The following CTNNA2 variants were observed in gnomAD, a reference collection of about 807,000 sequenced individuals.
The protein encoded by CTNNA2 is catenin alpha-2.
Under a neutral mutation model 101.0 loss-of-function variants are expected in CTNNA2, and 42 were observed. The observed-to-expected ratio is 0.42, with a 90% CI of 0.32 to 0.54. The LOEUF (loss-of-function observed/expected upper bound fraction) is 0.54, where lower values mean the gene tolerates loss of function less well. Among genes scored for constraint, CTNNA2 ranks in the 20% least tolerant of loss-of-function variants. CTNNA2 has a pLI of 0.14. For missense variants in CTNNA2, 871 were observed against 1,223.1 expected, an observed-to-expected ratio of 0.71 and a Z score of 4.29; for synonymous variants, 450 against 456.4, an observed-to-expected ratio of 0.99 and a Z score of 0.18.
At chr2:80,387,620 A>C (rs1677137888) in intron 7 of CTNNA2, among the ~76,000 whole-genome samples, 1 of 152,188 alleles carries the variant, frequency 6.6e-6, no homozygotes, top group African/African-American at 2.4e-5. Flanking sequence ...TTAATGGCTT[A>C]ATCCTTCTAT....
At chr2:80,479,901 G>A (rs552349869) in intron 9 of CTNNA2, among the ~76,000 whole-genome samples, 1 of 152,182 alleles carries the variant, frequency 6.6e-6, no homozygotes, top group South Asian at 2.1e-4. Context: ...TCATTCTTTT[G>A]TCAACTTTGG....
Position 80,419,442 on chromosome 2 carries a change from ACT to A in CTNNA2, c.1138-6_1138-5del. 6.3e-7 allele frequency: 1 copy of A among 1,596,648 alleles called. No individual in the cohort carries two copies. The highest frequency in any genetic ancestry group is 1.1e-5 in the South Asian group (1 of 88,460). On this transcript the variant is annotated splice_polypyrimidine_tract_variant and splice_region_variant and intron_variant, in intron 8 of 18. Coordinates refer to ENST00000402739, the MANE Select transcript of CTNNA2 (RefSeq NM_001282597.3). ...TATGTCATTTTTTGTTTTTGTTTCA[ACT>A]GTAGCTTCGGAAAGCAGTGATGGAT... is the stretch of plus-strand genomic sequence containing the variant.
chr2:80,411,363 T>C (rs1485804397), intron 8 of CTNNA2, among the ~76,000 whole-genome samples: 1 of 151,850 alleles, frequency 6.6e-6, no homozygotes, highest in Non-Finnish European at 1.5e-5. Context: ...ACTCCCAGAG[T>C]AGGGATTCAT....
chr2:80,647,895 G>A lies in CTNNA2; in HGVS notation c.*23G>A, dbSNP rs940613037. ...TAGGACGATAGGTTTTAACAAGAAA[G>A]CTTTTTCTTTCTTTTCTTTCTTTCT... On this transcript the variant is annotated 3_prime_UTR_variant, in exon 19 of 19. Transcript: ENST00000402739. 1 of 1,533,920 alleles carries A rather than the reference G, an allele frequency of 6.5e-7. No homozygotes were observed. The highest frequency in any genetic ancestry group is 1.3e-5 in the South Asian group (1 of 78,190).
chr2:80,232,345 G>GTTTTTTTTTTTTTTTTTTTTTTT (rs61454985), intron 7 of CTNNA2, among the ~76,000 whole-genome samples: 50 of 64,798 alleles, frequency 7.7e-4, no homozygotes, highest in Middle Eastern at 9.3e-3. Flanking sequence ...TTGTTTGTTT[G>GTTTTTTTTTTTTTTTTTTTTTTT]TTTTTTTTTT....
intron 7 of CTNNA2, among the ~76,000 whole-genome samples, chr2:80,230,425 T>A (rs1163702307): frequency 6.6e-6 from 1 of 152,062 alleles, no homozygotes; most frequent in Non-Finnish European, 1.5e-5. Flanking sequence ...AGTATTACAA[T>A]AATCAACATT....
chr2:79,663,928 C>T (rs1301280704), intron 2 of CTNNA2, among the ~76,000 whole-genome samples: 4 of 152,118 alleles, frequency 2.6e-5, no homozygotes, highest in African/African-American at 9.7e-5. Flanking sequence ...TAGTCTGCCT[C>T]GTTTTCTTCT....
At chr2:79,460,343 C>G (rs1670865692) in intron 4 of CTNNA2, among the ~76,000 whole-genome samples, 1 of 152,010 alleles carries the variant, frequency 6.6e-6, no homozygotes, top group South Asian at 2.1e-4. Flanking sequence ...ACGTTCACAC[C>G]CTCTTTCAAC....
chr2:79,916,707 C>G (rs1189329615), intron 7 of CTNNA2, among the ~76,000 whole-genome samples: 2 of 151,450 alleles, frequency 1.3e-5, no homozygotes, highest in African/African-American at 2.4e-5. Context: ...CTCAGCCTCG[C>G]TAGTAGCTGG....
intron 4 of CTNNA2, among the ~76,000 whole-genome samples, chr2:79,428,193 C>A (rs1016757096): frequency 6.6e-6 from 1 of 151,788 alleles, no homozygotes; most frequent in African/African-American, 2.4e-5. Context: ...CAGTTTAGCT[C>A]CCTTTGTGTT....
intron 3 of CTNNA2, among the ~76,000 whole-genome samples, chr2:79,803,188 T>C (rs1676298117): frequency 6.6e-6 from 1 of 152,182 alleles, no homozygotes. Flanking sequence ...TACTCTTCTT[T>C]TGCAATCCTG....
chr2:80,321,403 A>G (rs971422562), intron 7 of CTNNA2, among the ~76,000 whole-genome samples: 5 of 152,148 alleles, frequency 3.3e-5, no homozygotes, highest in South Asian at 2.1e-4. Flanking sequence ...GAACAGAAAC[A>G]CTCCCAGTAC....
chr2:80,419,496 C>G lies in CTNNA2; in HGVS notation c.1185C>G (p.Thr395=), dbSNP rs753183026. 2 of 1,613,088 alleles carry G rather than the reference C, an allele frequency of 1.2e-6. No homozygotes were observed. The highest frequency in any genetic ancestry group is 1.1e-5 in the South Asian group (1 of 91,032). The change falls in exon 9 of 19, where the codon ACC becomes ACG. Residue 395 remains threonine (T), a synonymous_variant. Transcript: ENST00000402739. ...ACATATCTGACTCTTTCCTGGAAACCAATGTTCCTTTGCTAGTTCTCATTG... is the reference window on the plus strand; with the variant it reads ...ACATATCTGACTCTTTCCTGGAAACGAATGTTCCTTTGCTAGTTCTCATTG... ...MDHISDSFLE[T]NVPLLVLIEA...
intron 9 of CTNNA2, among the ~76,000 whole-genome samples, chr2:80,464,377 A>G (rs539855322): frequency 6.6e-6 from 1 of 152,250 alleles, no homozygotes; most frequent in African/African-American, 2.4e-5. Flanking sequence ...AATGAAATGG[A>G]CAAATTTGAG....
chr2:80,094,481 C>G (rs1234591465), intron 7 of CTNNA2, among the ~76,000 whole-genome samples: 1 of 152,254 alleles, frequency 6.6e-6, no homozygotes, highest in East Asian at 1.9e-4. Context: ...ATTGACTTGG[C>G]AATGCGGGCT....
rs58153434 is a variant in CTNNA2 at position 80,262,165 on chromosome 2, C to CATATGT, written c.1057-131040_1057-131035dup. ...TACTATTAACATTTTGGTGCCTGTTCATATGTATATGAAGATCTCCAGATG... is the reference window on the plus strand; with the variant it reads ...TACTATTAACATTTTGGTGCCTGTTCATATGTATATGTATATGAAGATCTCCAGATG... On this transcript the variant is annotated intron_variant, in intron 7 of 18. Transcript: ENST00000402739. Among the ~76,000 whole-genome samples the CATATGT allele has an allele frequency of 8.3e-3, 1,258 of 152,214 alleles. 16 individuals carry two copies. The highest frequency in any genetic ancestry group is 0.027 in the African/African-American group (1,120 of 41,536).
chr2:80,304,519 A>C (rs1676713306), intron 7 of CTNNA2: 1 of 153,164 alleles, frequency 6.5e-6, no homozygotes, highest in African/African-American at 2.4e-5. Context: ...GTCATTGGAA[A>C]CGACCACTGA....
intron 7 of CTNNA2, among the ~76,000 whole-genome samples, chr2:80,275,802 G>A (rs1673857990): frequency 6.6e-6 from 1 of 152,082 alleles, no homozygotes; most frequent in Admixed American, 6.6e-5. Flanking sequence ...AAAACTAATT[G>A]CTTAAAGAAA....
At chr2:80,364,021 A>C (rs766329106) in intron 7 of CTNNA2, among the ~76,000 whole-genome samples, 8 of 152,130 alleles carry the variant, frequency 5.3e-5, no homozygotes, top group Non-Finnish European at 1.0e-4. Flanking sequence ...CGTTTACTGC[A>C]GTGTGTCATC....
Sources: allele counts gnomAD v4.1 joint callset (sites outside exome capture counted in the v4.1 genomes callset), GRCh38; gene constraint gnomAD v4.1.1; transcripts MANE v1.5; gene names NCBI Gene and HGNC (gene_info 2026-07-23, HGNC 2026-07-21).